TCF20: variants seen among roughly 807,000 people sequenced by gnomAD.
The protein encoded by TCF20 is SPRE-binding protein.
In TCF20, 3 loss-of-function variants were observed where a neutral mutation model predicts 148.6. The observed-to-expected ratio is 0.02, with a 90% CI of 0.01 to 0.05. The LOEUF (loss-of-function observed/expected upper bound fraction) is 0.05, where lower values mean the gene tolerates loss of function less well. TCF20 is among the 10% of genes least tolerant of loss of function. The probability of loss-of-function intolerance (pLI) is 1.00; values close to 1 mark genes in which losing one functional copy is unlikely to be tolerated. For missense variants in TCF20, 2,350 were observed against 2,429.3 expected (o/e 0.97, Z 0.69); for synonymous variants, 1,049 against 909.5 (o/e 1.15, Z -2.76).
At chr22:42,233,155 G>C (rs141559335) in intron 1 of TCF20, among the ~76,000 whole-genome samples, 169 of 152,214 alleles carry the variant, frequency 1.1e-3, no homozygotes, top group African/African-American at 3.9e-3. Context: ...CTCCTGACCT[G>C]AAGTCATCCA....
At chr22:42,186,678 G>C (rs1338835810) in intron 2 of TCF20, among the ~76,000 whole-genome samples, 1 of 152,074 alleles carries the variant, frequency 6.6e-6, no homozygotes, top group Non-Finnish European at 1.5e-5. Context: ...CGGTGTGGAA[G>C]GTCAGTTCTT....
At chr22:42,284,824 C>G (rs1461161244), upstream of TCF20, among the ~76,000 whole-genome samples, 4 of 152,222 alleles carry the variant, frequency 2.6e-5, no homozygotes, top group Non-Finnish European at 5.9e-5. Context: ...GCTTCACACC[C>G]CCTTCCTACC....
intron 2 of TCF20, among the ~76,000 whole-genome samples, chr22:42,202,576 G>T (rs1438646633): frequency 6.6e-6 from 1 of 152,218 alleles, no homozygotes; most frequent in African/African-American, 2.4e-5. Context: ...ACCTTCCGGG[G>T]CAAGTGTTTA....
chr22:42,160,058 TTTG>T lies in TCF20; in HGVS notation c.*1342_*1344del, dbSNP rs752482312. 6.6e-6 allele frequency: 1 copy of T among 152,456 alleles called. No individual in the cohort carries two copies. Among genetic ancestry groups the T allele is most frequent in the Non-Finnish European group, 1.5e-5 (1 of 67,914 alleles). The allele number at this position is 152,456 out of a possible 1,614,324, so 9.4% of individuals were successfully genotyped here. A position where few individuals can be genotyped will look rare whatever the true frequency, so the allele number is the denominator to read the frequency against. On this transcript the variant is annotated 3_prime_UTR_variant, in exon 6 of 6. Coordinates refer to ENST00000677622, the MANE Select transcript of TCF20 (RefSeq NM_001378418.1). ...TTATTTTTTTGATTTTTTGATTTTT[TTTG>T]TTTTTTGTTTTTTTAAATAAAACTG...
chr22:42,219,654 G>A (rs976892915), intron 1 of TCF20, among the ~76,000 whole-genome samples: 4 of 151,672 alleles, frequency 2.6e-5, no homozygotes, highest in African/African-American at 7.3e-5. Context: ...TCAGGAGTTC[G>A]AGACCAGCCT....
At chr22:42,174,414 G>GGC (rs1286267717) in intron 3 of TCF20, among the ~76,000 whole-genome samples, 1 of 152,130 alleles carries the variant, frequency 6.6e-6, no homozygotes, top group Non-Finnish European at 1.5e-5. Flanking sequence ...CCTCCAGGGG[G>GGC]GCCCTTGCTG....
chr22:42,232,123 T>C (rs1923473260), intron 1 of TCF20, among the ~76,000 whole-genome samples: 1 of 152,144 alleles, frequency 6.6e-6, no homozygotes, highest in Admixed American at 6.5e-5. Flanking sequence ...TTATCTTTTA[T>C]ACCTTATTTT....
chr22:42,249,696 G>A (rs138444366), intron 1 of TCF20, among the ~76,000 whole-genome samples: 6 of 152,286 alleles, frequency 3.9e-5, no homozygotes, highest in Admixed American at 6.5e-5. Context: ...TTTGAAGATC[G>A]CAGAAGTGAA....
intron 1 of TCF20, among the ~76,000 whole-genome samples, chr22:42,226,661 C>T (rs1220306092): frequency 1.3e-5 from 2 of 152,122 alleles, no homozygotes; most frequent in South Asian, 2.1e-4. Context: ...GCCAAGATCA[C>T]GCCACTGAAC....
chr22:42,229,596 G>C (rs544973988), intron 1 of TCF20, among the ~76,000 whole-genome samples: 1 of 152,298 alleles, frequency 6.6e-6, no homozygotes, highest in African/African-American at 2.4e-5. Flanking sequence ...CAACAGGTTT[G>C]TTGAAGGCCA....
At chr22:42,184,729 T>C (rs1936964967) in intron 2 of TCF20, among the ~76,000 whole-genome samples, 2 of 152,186 alleles carry the variant, frequency 1.3e-5, no homozygotes, top group Non-Finnish European at 1.5e-5. Flanking sequence ...AAATAAGGAA[T>C]GGCCCAAACT....
chr22:42,192,896 A>G (rs1283679065), intron 2 of TCF20, among the ~76,000 whole-genome samples: 1 of 152,126 alleles, frequency 6.6e-6, no homozygotes, highest in Non-Finnish European at 1.5e-5. Flanking sequence ...TTCAGAATTG[A>G]TTTTTGCATT....
At position 42,211,409 on chromosome 22, in the gene TCF20, A is replaced by G. The variant is rs1486369080; in HGVS notation, c.3897T>C (p.Tyr1299=). ...TATCCTGACTGTGAGAAAGATGGGC[A>G]TAGGAATTGAATGCTTTATCAGCGC... The part of the protein sequence containing the change: ...KEGADKAFNS[Y]AHLSHSQDIK... The change falls in exon 2 of 6, where the codon TAT becomes TAC. Residue 1299 remains tyrosine (Y), a synonymous_variant. Transcript: ENST00000677622. 1 of 1,614,100 alleles carries G rather than the reference A, an allele frequency of 6.2e-7. No individual in the cohort carries two copies. The highest frequency in any genetic ancestry group is 1.3e-5 in the African/African-American group (1 of 74,936).
intron 1 of TCF20, among the ~76,000 whole-genome samples, chr22:42,337,548 G>A (rs1928087179): frequency 6.6e-6 from 1 of 152,128 alleles, no homozygotes; most frequent in African/African-American, 2.4e-5. Context: ...TTCTCAGCTG[G>A]ATGAGCTCTT....
intron 2 of TCF20, among the ~76,000 whole-genome samples, chr22:42,201,733 G>A (rs530463359): frequency 1.3e-5 from 2 of 151,946 alleles, no homozygotes; most frequent in Admixed American, 1.3e-4. Flanking sequence ...GTGCCATTGC[G>A]GTCCAGCCTG....
chr22:42,266,834 G>A (rs1262304609), intron 1 of TCF20, among the ~76,000 whole-genome samples: 1 of 152,114 alleles, frequency 6.6e-6, no homozygotes, highest in Admixed American at 6.5e-5. Flanking sequence ...TAAAAGCCAT[G>A]TCTCCCGATA....
Position 42,160,497 on chromosome 22 carries a change from G to A in TCF20, c.*906C>T, listed in dbSNP as rs1394102235. The A allele has an allele frequency of 6.6e-6, 1 of 152,528 alleles. No homozygotes were observed. Among genetic ancestry groups the A allele is most frequent in the Admixed American group, 6.6e-5 (1 of 15,262 alleles). The allele number at this position is 152,528 out of a possible 1,614,324, so 9.4% of individuals were successfully genotyped here. A position where few individuals can be genotyped will look rare whatever the true frequency, so the allele number is the denominator to read the frequency against. ...CTGCCTGGAATGTGCTGAGGACAGG[G>A]GGCCCCAGAGGAGGGTCATCCCTTG... On this transcript the variant is annotated 3_prime_UTR_variant, in exon 6 of 6. Transcript: ENST00000677622.
intron 1 of TCF20, among the ~76,000 whole-genome samples, chr22:42,321,246 C>A (rs1349493838): frequency 6.6e-6 from 1 of 152,200 alleles, no homozygotes; most frequent in Non-Finnish European, 1.5e-5. Context: ...ACGCCTGGCA[C>A]CAGGGATGGG....
At position 42,161,137 on chromosome 22, in the gene TCF20, T is replaced by G; in HGVS notation, c.*266A>C. 8.1e-6 allele frequency: 2 copies of G among 248,334 alleles called. No individual in the cohort carries two copies. Among genetic ancestry groups the G allele is most frequent in the Non-Finnish European group, 7.6e-6 (1 of 131,910 alleles). 15.4% of individuals were successfully genotyped at this position (248,334 alleles called of 1,614,324 possible). On this transcript the variant is annotated 3_prime_UTR_variant, in exon 6 of 6. Coordinates refer to ENST00000677622, the MANE Select transcript of TCF20 (RefSeq NM_001378418.1). ...ACCCCTCCCCCCTCCCCCCACATTGTCACTATGGAGATTGTGTCCATGGAA... is the reference window on the plus strand; with the variant it reads ...ACCCCTCCCCCCTCCCCCCACATTGGCACTATGGAGATTGTGTCCATGGAA...
Sources: gnomAD v4.1 joint callset for allele counts (sites outside exome capture counted in the v4.1 genomes callset) on GRCh38, gnomAD v4.1.1 for gene constraint, MANE v1.5 for transcripts, NCBI Gene and HGNC (gene_info 2026-07-23, HGNC 2026-07-21) for gene names.